The following TDRD7 variants were observed in gnomAD, a reference collection of about 807,000 sequenced individuals.
TDRD7 encodes the protein tudor domain containing 7.
TDRD7 carries 47 observed loss-of-function variants against 109.8 expected under a neutral mutation model. The ratio of observed to expected loss-of-function variants is 0.43; its 90% CI spans 0.34 to 0.55. TDRD7 has a LOEUF of 0.55. TDRD7 is among the 20% of genes least tolerant of loss of function. The pLI, the probability that TDRD7 is intolerant of heterozygous loss-of-function variation, is 0.03. For missense variants in TDRD7, 1,164 were observed against 1,319.2 expected, an observed-to-expected ratio of 0.88 and a Z score of 1.82; for synonymous variants, 424 against 457.3, an observed-to-expected ratio of 0.93 and a Z score of 0.93.
At chr9:97,450,715 T>C (rs1828475773) in intron 6 of TDRD7, among the ~76,000 whole-genome samples, 1 of 152,124 alleles carries the variant, frequency 6.6e-6, no homozygotes, top group African/African-American at 2.4e-5. Flanking sequence ...TGCCAGAAAA[T>C]TAAAAAGAGG....
chr9:97,465,926 T>C (rs1431341136), intron 8 of TDRD7, among the ~76,000 whole-genome samples: 1 of 152,198 alleles, frequency 6.6e-6, no homozygotes, highest in Non-Finnish European at 1.5e-5. Flanking sequence ...AAGGACACTG[T>C]GTAGAAGGGT....
chr9:97,445,615 AAC>A (rs1828387040), intron 6 of TDRD7, among the ~76,000 whole-genome samples: 1 of 152,192 alleles, frequency 6.6e-6, no homozygotes, highest in South Asian at 2.1e-4. Context: ...AGACAAAAGA[AAC>A]AGATTGTGCC....
At chr9:97,451,637 G>A (rs1828494697) in intron 6 of TDRD7, among the ~76,000 whole-genome samples, 1 of 152,196 alleles carries the variant, frequency 6.6e-6, no homozygotes, top group South Asian at 2.1e-4. Context: ...TGATTTCTGT[G>A]AGCCACTGTA....
chr9:97,470,023 A>G (rs561742767), intron 8 of TDRD7, among the ~76,000 whole-genome samples: 1 of 152,146 alleles, frequency 6.6e-6, no homozygotes, highest in Non-Finnish European at 1.5e-5. Context: ...GTTGTCATTG[A>G]TGAAGCATCT....
At chr9:97,431,936 C>T (rs1828110491) in intron 3 of TDRD7, 89 bp from the exon 4 acceptor site, 1 of 1,203,968 alleles carries the variant, frequency 8.3e-7, no homozygotes, top group Admixed American at 1.7e-5. Flanking sequence ...AATAGACACC[C>T]ACAGAAAACA....
At chr9:97,475,245 G>A (rs1828998065) in intron 11 of TDRD7, 138 bp from the exon 12 acceptor site, 1 of 727,078 alleles carries the variant, frequency 1.4e-6, no homozygotes, top group Non-Finnish European at 2.5e-6. Context: ...AACCCTGTGT[G>A]TTTGCTGCAT....
Position 97,495,842 on chromosome 9 carries a change from T to G in TDRD7, c.3256T>G (p.Phe1086Val). 6.2e-7 allele frequency: 1 copy of G among 1,614,204 alleles called. No individual in the cohort carries two copies. Among genetic ancestry groups the G allele is most frequent in the Non-Finnish European group, 8.5e-7 (1 of 1,180,040 alleles). The change falls in exon 17 of 17, where the codon TTT (phenylalanine) becomes GTT (valine). Residue 1086 changes from phenylalanine (F) to valine (V), a missense_variant. Phe to Val is a conservative substitution (Grantham distance 50). Coordinates refer to ENST00000355295, the MANE Select transcript of TDRD7 (RefSeq NM_014290.3). ...LPDTDTWIHD[F>V]MSEYLIELSK... ...AGACACCGATACCTGGATTCATGAT[T>G]TTATGTCAGAGTATCTGATAGAGCT...
chr9:97,454,389 A>G (rs1156970722), intron 6 of TDRD7, among the ~76,000 whole-genome samples: 1 of 152,122 alleles, frequency 6.6e-6, no homozygotes, highest in Non-Finnish European at 1.5e-5. Context: ...CTGAGGGAGG[A>G]AAAATGGCGT....
At chr9:97,492,506 C>CGTTT (rs1829324467) in intron 16 of TDRD7, among the ~76,000 whole-genome samples, 1 of 152,178 alleles carries the variant, frequency 6.6e-6, no homozygotes. Flanking sequence ...AACTTCTAAA[C>CGTTT]CTACCCCATG....
chr9:97,481,256 C>A (rs113295758), intron 14 of TDRD7, among the ~76,000 whole-genome samples: 10 of 152,294 alleles, frequency 6.6e-5, no homozygotes, highest in African/African-American at 2.4e-4. Flanking sequence ...AACAGAGGGA[C>A]CACAGATCTC....
chr9:97,432,673 AC>A (rs754610534), intron 4 of TDRD7, among the ~76,000 whole-genome samples: 4 of 152,176 alleles, frequency 2.6e-5, no homozygotes, highest in Admixed American at 2.0e-4. Context: ...TAATAAGACA[AC>A]CTATAAGTCT....
intron 14 of TDRD7, among the ~76,000 whole-genome samples, chr9:97,481,419 AGCTCTT>A (rs2131175606): frequency 6.6e-6 from 1 of 152,280 alleles, no homozygotes; most frequent in South Asian, 2.1e-4. Flanking sequence ...TTATTTCACT[AGCTCTT>A]GTTTCTTTTT....
At chr9:97,472,540 A>G (rs1238178964) in intron 10 of TDRD7, 45 bp downstream of exon 10, 1 of 1,472,920 alleles carries the variant, frequency 6.8e-7, no homozygotes, top group Non-Finnish European at 9.5e-7. Context: ...ATTTTGTATG[A>G]GAGAAAAATC....
chr9:97,491,904 T>A (rs1829314858), intron 16 of TDRD7, among the ~76,000 whole-genome samples: 1 of 152,154 alleles, frequency 6.6e-6, no homozygotes, highest in Non-Finnish European at 1.5e-5. Flanking sequence ...CTTCTGGAGG[T>A]AAAACTCTCA....
chr9:97,424,984 A>G (rs1827963224), intron 1 of TDRD7, among the ~76,000 whole-genome samples: 1 of 152,058 alleles, frequency 6.6e-6, no homozygotes, highest in Admixed American at 6.6e-5. Context: ...ATGGTTTACA[A>G]TATCCCTCTT....
chr9:97,487,104 T>A, intron 15 of TDRD7, 68 bp from the exon 16 acceptor site: 6 of 1,495,350 alleles, frequency 4.0e-6, no homozygotes, highest in Non-Finnish European at 5.6e-6. Flanking sequence ...CATAAAATAT[T>A]TCTTGCCCTT....
chr9:97,475,837 A>G (rs986244646), intron 12 of TDRD7, among the ~76,000 whole-genome samples: 26 of 152,246 alleles, frequency 1.7e-4, no homozygotes, highest in Non-Finnish European at 1.5e-5. Flanking sequence ...AACTAAATGA[A>G]TAAATATTTT....
intron 6 of TDRD7, among the ~76,000 whole-genome samples, chr9:97,457,949 A>G (rs1228378833): frequency 6.6e-6 from 1 of 152,172 alleles, no homozygotes; most frequent in Non-Finnish European, 1.5e-5. Flanking sequence ...ACATGGATAC[A>G]GAGAGGGGAA....
At chr9:97,469,954 A>G (rs1288902209) in intron 8 of TDRD7, among the ~76,000 whole-genome samples, 1 of 152,162 alleles carries the variant, frequency 6.6e-6, no homozygotes, top group Non-Finnish European at 1.5e-5. Context: ...ACCCTTGAAA[A>G]AAATAGGTAC....
Sources: allele counts gnomAD v4.1 joint callset (sites outside exome capture counted in the v4.1 genomes callset), GRCh38; gene constraint gnomAD v4.1.1; transcripts MANE v1.5; gene names NCBI Gene and HGNC (gene_info 2026-07-23, HGNC 2026-07-21).